The following EIF2A variants were observed in gnomAD, a reference collection of about 807,000 sequenced individuals.
The protein encoded by EIF2A is eukaryotic translation initiation factor 2A, also known as 65 kDa eukaryotic translation initiation factor 2A.
EIF2A carries 62 observed loss-of-function variants against 75.2 expected under a neutral mutation model. The ratio of observed to expected loss-of-function variants is 0.82; its 90% CI spans 0.67 to 1.02. The LOEUF is 1.02. Ranked by LOEUF, EIF2A falls within the 50% of genes least tolerant of loss-of-function variation. The probability of loss-of-function intolerance (pLI) is 0.00; values close to 1 mark genes in which losing one functional copy is unlikely to be tolerated. For synonymous variants in EIF2A, 207 were observed against 239.0 expected, an observed-to-expected ratio of 0.87 and a Z score of 1.23; for missense variants, 611 against 677.7, an observed-to-expected ratio of 0.90 and a Z score of 1.09.
Position 150,546,820 on chromosome 3 carries a change from G to A in EIF2A, c.18G>A (p.Pro6=). The change falls in exon 1 of 14, where the codon CCG becomes CCA. Residue 6 remains proline (P), a synonymous_variant. Coordinates refer to ENST00000460851, the MANE Select transcript of EIF2A (RefSeq NM_032025.5). Reference sequence around the variant, plus strand: ...GGGACAACATGGCGCCGTCCACGCCGCTCTTGACAGGTGAGTTCTGAAGAA... The same window carrying A: ...GGGACAACATGGCGCCGTCCACGCCACTCTTGACAGGTGAGTTCTGAAGAA... MAPST[P]LLTVRGSEGL... 1 of 1,612,396 alleles carries A rather than the reference G, an allele frequency of 6.2e-7. No homozygotes were observed. Among genetic ancestry groups the A allele is most frequent in the Non-Finnish European group, 8.5e-7 (1 of 1,179,892 alleles).
At chr3:150,561,990 C>T (rs1180021140) in intron 3 of EIF2A, among the ~76,000 whole-genome samples, 1 of 151,932 alleles carries the variant, frequency 6.6e-6, no homozygotes, top group Non-Finnish European at 1.5e-5. Flanking sequence ...AACTCCCGAC[C>T]TCAGGTGATC....
rs774229838 is a variant in EIF2A, at chr3:150,546,817, G to A, written c.15G>A (p.Thr5=). 9.3e-6 allele frequency: 15 copies of A among 1,612,400 alleles called. No homozygotes were observed. The highest frequency in any genetic ancestry group is 1.3e-5 in the Non-Finnish European group (15 of 1,179,878). The part of the protein sequence containing the change: MAPS[T]PLLTVRGSEG... The stretch of plus-strand genomic sequence containing the variant: ...TCCGGGACAACATGGCGCCGTCCAC[G>A]CCGCTCTTGACAGGTGAGTTCTGAA... The change falls in exon 1 of 14, where the codon ACG becomes ACA. Residue 5 remains threonine, a synonymous_variant. Coordinates refer to ENST00000460851, the MANE Select transcript of EIF2A (RefSeq NM_032025.5).
chr3:150,558,317 C>A, intron 2 of EIF2A, 71 bp from the exon 3 acceptor site: 1 of 1,316,852 alleles, frequency 7.6e-7, no homozygotes, highest in Non-Finnish European at 1.0e-6. Context: ...AAATGGTTGA[C>A]TTTATAATCA....
intron 9 of EIF2A, among the ~76,000 whole-genome samples, chr3:150,569,477 A>C (rs1290653519): frequency 6.6e-6 from 1 of 152,034 alleles, no homozygotes; most frequent in African/African-American, 2.4e-5. Context: ...AAATGAACAC[A>C]CAAGAATATT....
intron 2 of EIF2A, 88 bp downstream of exon 2, chr3:150,552,513 GGAAAA>G: frequency 9.1e-7 from 1 of 1,097,028 alleles, no homozygotes; most frequent in Non-Finnish European, 1.3e-6. Flanking sequence ...GAACAAGAAA[GGAAAA>G]GAACAGATGA....
At chr3:150,575,822 C>A in intron 11 of EIF2A, 60 bp downstream of exon 11, 1 of 1,408,232 alleles carries the variant, frequency 7.1e-7, no homozygotes, top group Non-Finnish European at 9.7e-7. Flanking sequence ...GGCGCAGTGG[C>A]TCACGCCCGT....
Position 150,575,777 on chromosome 3 carries a change from A to C in EIF2A, c.1497+15A>C. ...CTGCAAAGCAGGTATTTGGGGCACT[A>C]ATCTCATAACAAAACAAATAGTCAG... On this transcript the variant is annotated intron_variant, in intron 11 of 13. Transcript: ENST00000460851. 6.3e-7 allele frequency: 1 copy of C among 1,595,952 alleles called. No individual in the cohort carries two copies. The highest frequency in any genetic ancestry group is 8.5e-7 in the Non-Finnish European group (1 of 1,170,768).
intron 11 of EIF2A, 151 bp from the exon 12 acceptor site, chr3:150,581,467 C>G (rs980180101): frequency 9.7e-7 from 1 of 1,027,670 alleles, no homozygotes; most frequent in Non-Finnish European, 1.4e-6. Context: ...ATGTAGCATA[C>G]TTCATGAGAC....
Position 150,584,015 on chromosome 3 carries a change from A to G in EIF2A, c.*104A>G. 2.9e-6 allele frequency: 3 copies of G among 1,049,824 alleles called. No homozygotes were observed. Among genetic ancestry groups the G allele is most frequent in the Non-Finnish European group, 4.1e-6 (3 of 725,174 alleles). 65.0% of individuals were successfully genotyped at this position (1,049,824 alleles called of 1,614,324 possible). On this transcript the variant is annotated 3_prime_UTR_variant, in exon 14 of 14. Coordinates refer to ENST00000460851, the MANE Select transcript of EIF2A (RefSeq NM_032025.5). ...ATTCCTGTGCCCACACTTAATGTCA[A>G]TCTATAATTTTAACCATTTATCCAA...
intron 12 of EIF2A, 165 bp from the exon 13 acceptor site, chr3:150,583,035 G>T: frequency 5.0e-6 from 3 of 600,388 alleles, no homozygotes; most frequent in Admixed American, 3.6e-5. Context: ...TTACAATTTT[G>T]CATTTAACTT....
At chr3:150,549,227 T>C (rs1469042726) in intron 1 of EIF2A, among the ~76,000 whole-genome samples, 9 of 151,624 alleles carry the variant, frequency 5.9e-5, no homozygotes, top group African/African-American at 4.8e-5. Flanking sequence ...TCTTTCTTTT[T>C]TTTTTTTTTT....
intron 1 of EIF2A, 34 bp from the exon 2 acceptor site, chr3:150,552,322 A>AG: frequency 6.5e-7 from 1 of 1,531,244 alleles, no homozygotes; most frequent in Non-Finnish European, 8.8e-7. Flanking sequence ...TTATTAACAA[A>AG]GTAATTGTGG....
At chr3:150,578,933 C>A (rs1430059598) in intron 11 of EIF2A, among the ~76,000 whole-genome samples, 1 of 151,982 alleles carries the variant, frequency 6.6e-6, no homozygotes, top group Non-Finnish European at 1.5e-5. Context: ...GTTGACTTTA[C>A]CAAAAAAGAG....
chr3:150,559,568 G>A (rs1723742585), intron 3 of EIF2A, among the ~76,000 whole-genome samples: 2 of 139,738 alleles, frequency 1.4e-5, no homozygotes, highest in African/African-American at 2.6e-5. Flanking sequence ...TCAGCTCACA[G>A]CAACCTCCGC....
At chr3:150,550,903 C>T (rs1723281995) in intron 1 of EIF2A, among the ~76,000 whole-genome samples, 1 of 152,174 alleles carries the variant, frequency 6.6e-6, no homozygotes, top group Non-Finnish European at 1.5e-5. Context: ...AGCCATCTGC[C>T]TGCCTCGGCC....
intron 2 of EIF2A, among the ~76,000 whole-genome samples, chr3:150,556,849 GTC>G: frequency 6.6e-6 from 1 of 152,290 alleles, no homozygotes; most frequent in Admixed American, 6.5e-5. Context: ...TGTTTATTAA[GTC>G]AAAATGAGCT....
intron 11 of EIF2A, among the ~76,000 whole-genome samples, chr3:150,576,490 G>C (rs991671206): frequency 2.0e-5 from 3 of 152,164 alleles, no homozygotes; most frequent in African/African-American, 7.2e-5. Flanking sequence ...TGTAGTTGGA[G>C]TTAGACTTAA....
At chr3:150,554,808 GCATGGGCC>G (rs1723478253) in intron 2 of EIF2A, among the ~76,000 whole-genome samples, 1 of 152,176 alleles carries the variant, frequency 6.6e-6, no homozygotes, top group Non-Finnish European at 1.5e-5. Flanking sequence ...GCTACAGGAA[GCATGGGCC>G]CAACCAAGAC....
rs1378927471 is a variant in EIF2A, at chr3:150,564,339, A to T, written c.433A>T (p.Asn145Tyr). 1 of 1,602,970 alleles carries T rather than the reference A, an allele frequency of 6.2e-7. No individual in the cohort carries two copies. Among genetic ancestry groups the T allele is most frequent in the Admixed American group, 1.7e-5 (1 of 57,804 alleles). Reference protein sequence around the residue: ...WSEDETLCARNVNNEVHFFEN... With the variant: ...WSEDETLCARYVNNEVHFFEN... ...AGAAGATGAAACTCTTTGTGCCCGC[A>T]ATGTTAACAATGAAGTTCACTTCTT... Residue 145 changes from asparagine (N) to tyrosine (Y), a missense_variant, in exon 6 of 14, where the codon AAT becomes TAT. By Grantham distance (143) the Asn-to-Tyr change is moderately radical. Transcript: ENST00000460851.
Sources: allele counts gnomAD v4.1 joint callset (sites outside exome capture counted in the v4.1 genomes callset), GRCh38; gene constraint gnomAD v4.1.1; transcripts MANE v1.5; gene names NCBI Gene and HGNC (gene_info 2026-07-23, HGNC 2026-07-21).